Variants in TOM1L1 observed in about 807,000 individuals in gnomAD.
TOM1L1 encodes TOM1-like protein 1.
TOM1L1 carries 64 observed loss-of-function variants against 63.4 expected under a neutral mutation model. The ratio of observed to expected loss-of-function variants is 1.01; its 90% CI spans 0.83 to 1.24. The LOEUF (loss-of-function observed/expected upper bound fraction) is 1.24. Ranked by LOEUF, TOM1L1 falls within the 50% of genes most tolerant of loss-of-function variation. The pLI, the probability that TOM1L1 is intolerant of heterozygous loss-of-function variation, is 0.00. For missense variants in TOM1L1, 536 were observed against 567.0 expected (o/e 0.95, Z 0.55); for synonymous variants, 166 against 194.4 (o/e 0.85, Z 1.22).
chr17:54,949,381 A>C, intron 12 of TOM1L1, 137 bp from the exon 13 acceptor site: 1 of 616,234 alleles, frequency 1.6e-6, no homozygotes, highest in Admixed American at 3.0e-5. Context: ...AAAAAACTAA[A>C]GTAATAATTA....
chr17:54,960,679 A>G (rs2077098224), intron 15 of TOM1L1, 52 bp downstream of exon 15: 5 of 1,351,000 alleles, frequency 3.7e-6, no homozygotes, highest in Middle Eastern at 2.4e-4. Context: ...TAATTTCAGT[A>G]TAATTATCAC....
At chr17:54,905,633 T>A in intron 3 of TOM1L1, 66 bp downstream of exon 3, 2 of 1,056,698 alleles carry the variant, frequency 1.9e-6, no homozygotes, top group Non-Finnish European at 1.4e-6. Context: ...TTTTTAATCC[T>A]GGGTAAAAAA....
chr17:54,938,838 C>G, intron 10 of TOM1L1, 86 bp from the exon 11 acceptor site: 3 of 574,794 alleles, frequency 5.2e-6, no homozygotes, highest in Non-Finnish European at 5.6e-6. Context: ...TTTCTTTTTT[C>G]TTTTTTTTTG....
intron 7 of TOM1L1, chr17:54,917,490 A>G (rs183716148): frequency 7.2e-5 from 11 of 152,318 alleles, no homozygotes; most frequent in African/African-American, 2.6e-4. Context: ...ACAAATATGT[A>G]CATAATTTTA....
At chr17:54,914,006 C>A in intron 5 of TOM1L1, 133 bp downstream of exon 5, 2 of 996,154 alleles carry the variant, frequency 2.0e-6, no homozygotes, top group Non-Finnish European at 2.8e-6. Flanking sequence ...ATTGCAATAT[C>A]TCATAGAATA....
chr17:54,944,631 C>T (rs1042273711), intron 11 of TOM1L1, among the ~76,000 whole-genome samples: 7 of 152,074 alleles, frequency 4.6e-5, no homozygotes, highest in Non-Finnish European at 5.9e-5. Flanking sequence ...TGTGAGAATG[C>T]CTCTATTTTG....
intron 11 of TOM1L1, among the ~76,000 whole-genome samples, chr17:54,940,959 CAA>C (rs1422805076): frequency 3.9e-5 from 6 of 152,046 alleles, no homozygotes; most frequent in Admixed American, 6.5e-5. Context: ...ATTCAGATAT[CAA>C]AACAGTATAA....
chr17:54,919,981 T>TATTG lies in TOM1L1; in HGVS notation c.720+4123_720+4126dup, dbSNP rs71159272. Among the ~76,000 whole-genome samples the TATTG allele has an allele frequency of 2.9e-3, 396 of 136,502 alleles. 1 individual carries two copies. The highest frequency in any genetic ancestry group is 4.6e-3 in the Non-Finnish European group (288 of 62,334). The allele number at this position is 136,502 out of a possible 152,430, so 89.6% of individuals were successfully genotyped here. A position where few individuals can be genotyped will look rare whatever the true frequency, so the allele number is the denominator to read the frequency against. ...TTTGGTGTTTTTGGTTTTGGTTTTT[T>TATTG]ATTGATTTATTTATTTATTTATTTA... On this transcript the variant is annotated intron_variant, in intron 7 of 15. Coordinates refer to ENST00000575882, the MANE Select transcript of TOM1L1 (RefSeq NM_005486.3).
At position 54,900,898 on chromosome 17, in the gene TOM1L1, C is replaced by G. The variant is rs1198548608; in HGVS notation, c.33C>G (p.Tyr11Ter). 1 of 1,613,832 alleles carries G rather than the reference C, an allele frequency of 6.2e-7. No individual in the cohort carries two copies. The highest frequency in any genetic ancestry group is 2.2e-5 in the East Asian group (1 of 44,874). ...TTGGCAAGAGTCACCGGGATCCCTA[C>G]GCGACCTCCGTGGGCCACCTCATAG... Reference protein sequence around the residue: MAFGKSHRDPYATSVGHLIEK... With the variant: MAFGKSHRDP The change falls in exon 1 of 16, where the codon TAC becomes TAG. Residue 11 changes from tyrosine (Y) to a stop codon, truncating the protein, a stop_gained. Coordinates refer to ENST00000575882, the MANE Select transcript of TOM1L1 (RefSeq NM_005486.3). LOFTEE classifies it high-confidence loss of function.
chr17:54,925,919 CA>C (rs1555609777), intron 7 of TOM1L1, among the ~76,000 whole-genome samples: 2 of 149,540 alleles, frequency 1.3e-5, no homozygotes, highest in Admixed American at 6.7e-5. Flanking sequence ...AAAACAACAA[CA>C]AAAAAAAAAG....
At chr17:54,940,207 C>A (rs993553018) in intron 11 of TOM1L1, among the ~76,000 whole-genome samples, 2 of 152,174 alleles carry the variant, frequency 1.3e-5, no homozygotes, top group African/African-American at 4.8e-5. Flanking sequence ...ATCAGGTTTT[C>A]TGATAGTCCA....
At chr17:54,949,277 T>C (rs1033489354) in intron 12 of TOM1L1, among the ~76,000 whole-genome samples, 4 of 147,128 alleles carry the variant, frequency 2.7e-5, no homozygotes, top group Non-Finnish European at 6.0e-5. Flanking sequence ...GCTCAAGTAA[T>C]CCTCCCACCT....
intron 7 of TOM1L1, among the ~76,000 whole-genome samples, chr17:54,920,652 G>GGGC (rs1385379910): frequency 6.6e-6 from 1 of 152,104 alleles, no homozygotes; most frequent in Non-Finnish European, 1.5e-5. Flanking sequence ...AATAGGCCTT[G>GGGC]GGCACTCACA....
Position 54,922,831 on chromosome 17 carries a change from A to G in TOM1L1, c.720+6969A>G, listed in dbSNP as rs528607046. Among the ~76,000 whole-genome samples, 136 of 152,320 alleles carry G rather than the reference A, an allele frequency of 8.9e-4. 1 individual carries two copies. Among genetic ancestry groups the G allele is most frequent in the African/African-American group, 3.1e-3 (128 of 41,556 alleles). On this transcript the variant is annotated intron_variant, in intron 7 of 15. Coordinates refer to ENST00000575882, the MANE Select transcript of TOM1L1 (RefSeq NM_005486.3). ...AAACCCATGTTGTTCAAGGTTCAAC[A>G]GTATTTCCTCTATTTAATTCCAATA... is the stretch of plus-strand genomic sequence containing the variant.
intron 7 of TOM1L1, among the ~76,000 whole-genome samples, chr17:54,928,245 G>A (rs987133958): frequency 2.6e-5 from 4 of 151,956 alleles, no homozygotes; most frequent in African/African-American, 4.8e-5. Flanking sequence ...CCCATAATTC[G>A]TTTATTTACT....
At chr17:54,927,953 CTTCAAATTCAT>C (rs1485057069) in intron 7 of TOM1L1, among the ~76,000 whole-genome samples, 1 of 152,162 alleles carries the variant, frequency 6.6e-6, no homozygotes, top group Admixed American at 6.5e-5. Flanking sequence ...TTGATGTTGG[CTTCAAATTCAT>C]TTCAAATTAA....
chr17:54,945,206 T>C (rs2049097124), intron 11 of TOM1L1, among the ~76,000 whole-genome samples: 1 of 152,184 alleles, frequency 6.6e-6, no homozygotes, highest in Non-Finnish European at 1.5e-5. Flanking sequence ...TCTAAGGTGA[T>C]TTGTCATTGG....
intron 7 of TOM1L1, among the ~76,000 whole-genome samples, chr17:54,921,756 A>G (rs2048687538): frequency 6.6e-6 from 1 of 152,018 alleles, no homozygotes; most frequent in Non-Finnish European, 1.5e-5. Flanking sequence ...AATAAAATAA[A>G]TATACATTCA....
At chr17:54,935,630 TG>T (rs1173559213) in intron 8 of TOM1L1, among the ~76,000 whole-genome samples, 1 of 152,156 alleles carries the variant, frequency 6.6e-6, no homozygotes, top group East Asian at 1.9e-4. Flanking sequence ...TCTTAGCAGC[TG>T]GGGCACCAAG....
Sources: allele counts gnomAD v4.1 joint callset (sites outside exome capture counted in the v4.1 genomes callset), GRCh38; gene constraint gnomAD v4.1.1; transcripts MANE v1.5; gene names NCBI Gene and HGNC (gene_info 2026-07-23, HGNC 2026-07-21).